CHCHD6: variants seen among roughly 807,000 people sequenced by gnomAD.
The protein encoded by CHCHD6 is MICOS complex subunit MIC25.
Under a neutral mutation model 32.3 loss-of-function variants are expected in CHCHD6, and 28 were observed. The ratio of observed to expected loss-of-function variants is 0.87; its 90% CI spans 0.64 to 1.19. The LOEUF is 1.19. Ranked by LOEUF, CHCHD6 falls within the 50% of genes most tolerant of loss-of-function variation. The pLI, the probability that CHCHD6 is intolerant of heterozygous loss-of-function variation, is 0.00. For synonymous variants in CHCHD6, 122 were observed against 117.5 expected, an observed-to-expected ratio of 1.04 and a Z score of -0.25; for missense variants, 333 against 307.0, an observed-to-expected ratio of 1.08 and a Z score of -0.63.
chr3:126,753,679 G>A (rs1420252555), intron 4 of CHCHD6, among the ~76,000 whole-genome samples: 1 of 152,174 alleles, frequency 6.6e-6, no homozygotes, highest in Admixed American at 6.5e-5. Context: ...GTGTACAGGC[G>A]CATTGCCCAG....
At chr3:126,788,932 C>A (rs1215103858) in intron 4 of CHCHD6, among the ~76,000 whole-genome samples, 1 of 152,174 alleles carries the variant, frequency 6.6e-6, no homozygotes, top group East Asian at 1.9e-4. Context: ...AATTTTAGAT[C>A]TTTCCTGCTT....
At chr3:126,808,918 G>A (rs778550518) in intron 4 of CHCHD6, among the ~76,000 whole-genome samples, 6 of 151,950 alleles carry the variant, frequency 3.9e-5, no homozygotes, top group African/African-American at 7.3e-5. Flanking sequence ...GTTATTGTCC[G>A]CAAGCAAAAT....
chr3:126,892,045 C>T (rs750365018), intron 5 of CHCHD6, among the ~76,000 whole-genome samples: 5 of 152,170 alleles, frequency 3.3e-5, no homozygotes, highest in Admixed American at 1.3e-4. Context: ...CAGGTGCCAG[C>T]GACAACGTCT....
chr3:126,953,239 C>A, intron 6 of CHCHD6: 1 of 574,972 alleles, frequency 1.7e-6, no homozygotes, highest in South Asian at 7.6e-5. Context: ...GTCCCAGCCT[C>A]AGACATCTGC....
chr3:126,870,341 G>A lies in CHCHD6; in HGVS notation c.495+17611G>A, dbSNP rs545735466. On this transcript the variant is annotated intron_variant, in intron 5 of 7. Transcript: ENST00000290913. ...GCTTCTACTCCCACCCTGTGGAGTC[G>A]CCGTGGCTGTTACAGAACCACACAG... Among the ~76,000 whole-genome samples the A allele has an allele frequency of 3.7e-4, 57 of 152,248 alleles. 1 individual carries two copies. In the South Asian group the frequency reaches 0.011, roughly 30 times the overall value.
rs761138829 is a variant in CHCHD6 at position 126,808,926 on chromosome 3, AATG to A, written c.412-43720_412-43718del. ...AGCAGATGTTATTGTCCGCAAGCAAAATGCATTGAGCATACCCAAAACTGTTGC... is the reference window on the plus strand; with the variant it reads ...AGCAGATGTTATTGTCCGCAAGCAAACATTGAGCATACCCAAAACTGTTGC... On this transcript the variant is annotated intron_variant, in intron 4 of 7. Coordinates refer to ENST00000290913, the MANE Select transcript of CHCHD6 (RefSeq NM_032343.3). 2.6e-5 allele frequency among the ~76,000 whole-genome samples: 4 copies of A among 152,166 alleles called. No individual in the cohort carries two copies. In the East Asian group the frequency reaches 7.7e-4, roughly 29 times the overall value.
Position 126,704,412 on chromosome 3 carries a change from G to T in CHCHD6, c.87+13G>T, listed in dbSNP as rs758994949. On this transcript the variant is annotated intron_variant, in intron 1 of 7. Coordinates refer to ENST00000290913, the MANE Select transcript of CHCHD6 (RefSeq NM_032343.3). ...GCAGGGTGTCCGGGTGAGCGGCGCCGCCTGGGCCGGGGCGGGCGTGGAGGC... is the reference window on the plus strand; with the variant it reads ...GCAGGGTGTCCGGGTGAGCGGCGCCTCCTGGGCCGGGGCGGGCGTGGAGGC... The T allele has an allele frequency of 2.7e-6, 4 of 1,508,134 alleles. No individual in the cohort carries two copies. Among genetic ancestry groups the T allele is most frequent in the Non-Finnish European group, 3.5e-6 (4 of 1,129,176 alleles). 93.4% of individuals were successfully genotyped at this position (1,508,134 alleles called of 1,614,324 possible).
intron 4 of CHCHD6, among the ~76,000 whole-genome samples, chr3:126,748,937 CAG>C (rs143849483): frequency 1.3e-5 from 2 of 151,028 alleles, no homozygotes; most frequent in Admixed American, 6.6e-5. Flanking sequence ...CATACTGCTG[CAG>C]AGAGAGAGAG....
At chr3:126,747,144 T>G (rs1936539673) in intron 4 of CHCHD6, among the ~76,000 whole-genome samples, 1 of 152,246 alleles carries the variant, frequency 6.6e-6, no homozygotes, top group Admixed American at 6.5e-5. Context: ...TGTTTTTCTC[T>G]TCATCTCGTC....
chr3:126,810,625 A>G (rs1361478365), intron 4 of CHCHD6, among the ~76,000 whole-genome samples: 1 of 152,252 alleles, frequency 6.6e-6, no homozygotes, highest in East Asian at 1.9e-4. Context: ...AGTTTAATAG[A>G]GTAGTAAAGT....
At chr3:126,896,267 A>G (rs1465290488) in intron 5 of CHCHD6, among the ~76,000 whole-genome samples, 2 of 152,242 alleles carry the variant, frequency 1.3e-5, no homozygotes, top group East Asian at 1.9e-4. Flanking sequence ...TTTAACCCCT[A>G]CACCCTGGAG....
intron 4 of CHCHD6, among the ~76,000 whole-genome samples, chr3:126,747,878 T>A (rs1936567286): frequency 6.6e-6 from 1 of 152,182 alleles, no homozygotes; most frequent in Non-Finnish European, 1.5e-5. Flanking sequence ...AGAGGCTGGA[T>A]GGTTGGGTTC....
chr3:126,862,248 C>A (rs1941934906), intron 5 of CHCHD6, among the ~76,000 whole-genome samples: 1 of 135,936 alleles, frequency 7.4e-6, no homozygotes, highest in Non-Finnish European at 1.6e-5. Flanking sequence ...TCACCACCTC[C>A]TCCTCCTCCT....
At chr3:126,729,703 C>T (rs1935696255) in intron 2 of CHCHD6, among the ~76,000 whole-genome samples, 1 of 152,046 alleles carries the variant, frequency 6.6e-6, no homozygotes, top group South Asian at 2.1e-4. Flanking sequence ...TTCAGAAGTG[C>T]CCCCCGAAGG....
intron 5 of CHCHD6, among the ~76,000 whole-genome samples, chr3:126,899,976 G>C (rs544556790): frequency 6.6e-6 from 1 of 152,188 alleles, no homozygotes; most frequent in Non-Finnish European, 1.5e-5. Context: ...TACAACCAGC[G>C]TGTCCTGATT....
chr3:126,867,881 C>T (rs1228138297), intron 5 of CHCHD6, among the ~76,000 whole-genome samples: 1 of 152,234 alleles, frequency 6.6e-6, no homozygotes, highest in Non-Finnish European at 1.5e-5. Context: ...ATCTGGCATC[C>T]ACCTGTTTCA....
At position 126,861,347 on chromosome 3, in the gene CHCHD6, C is replaced by T. The variant is rs568657780; in HGVS notation, c.495+8617C>T. ...TGTGTACTAACCGTTATAACCTCAACCAAGTGATTTACTCCTTACTGAACT... is the reference window on the plus strand; with the variant it reads ...TGTGTACTAACCGTTATAACCTCAATCAAGTGATTTACTCCTTACTGAACT... On this transcript the variant is annotated intron_variant, in intron 5 of 7. Transcript: ENST00000290913. Among the ~76,000 whole-genome samples the T allele has an allele frequency of 1.8e-3, 273 of 152,100 alleles. 1 individual carries two copies. Among genetic ancestry groups the T allele is most frequent in the African/African-American group, 6.3e-3 (262 of 41,428 alleles).
intron 4 of CHCHD6, among the ~76,000 whole-genome samples, chr3:126,833,838 G>A (rs893333173): frequency 1.3e-5 from 2 of 151,750 alleles, no homozygotes; most frequent in Non-Finnish European, 2.9e-5. Context: ...GGCGGATCAC[G>A]AGGTCAGGAG....
intron 1 of CHCHD6, among the ~76,000 whole-genome samples, chr3:126,714,599 C>T (rs1013466505): frequency 1.3e-5 from 2 of 152,208 alleles, no homozygotes; most frequent in African/African-American, 4.8e-5. Context: ...CAGGCTGAGC[C>T]TCCTGGAAGC....
Sources: allele counts gnomAD v4.1 joint callset (sites outside exome capture counted in the v4.1 genomes callset), GRCh38; gene constraint gnomAD v4.1.1; transcripts MANE v1.5; gene names NCBI Gene and HGNC (gene_info 2026-07-23, HGNC 2026-07-21).